Variants in PPP2R2C observed in about 807,000 individuals in gnomAD.
PPP2R2C encodes protein phosphatase 2 regulatory subunit Bgamma, also known as protein phosphatase 2, regulatory subunit B, gamma.
A neutral mutation model predicts 45.3 loss-of-function variants in PPP2R2C; 10 were observed. The ratio of observed to expected loss-of-function variants is 0.22; its 90% CI spans 0.14 to 0.37. The LOEUF (loss-of-function observed/expected upper bound fraction) is 0.37. PPP2R2C is among the 10% of genes least tolerant of loss of function. The pLI is 1.00. For missense variants in PPP2R2C, 308 were observed against 619.7 expected (o/e 0.50, Z 5.34); for synonymous variants, 257 against 245.4 (o/e 1.05, Z -0.44).
intron 6 of PPP2R2C, among the ~76,000 whole-genome samples, chr4:6,342,361 T>C (rs1052479998): frequency 1.3e-5 from 2 of 152,128 alleles, no homozygotes; most frequent in South Asian, 2.1e-4. Context: ...TCCCACATCA[T>C]TCCAGGGTCA....
At position 6,336,650 on chromosome 4, in the gene PPP2R2C, TC is replaced by T. The variant is rs1732892022; in HGVS notation, c.791-2920del. Among the ~76,000 whole-genome samples the T allele has an allele frequency of 2.1e-3, 11 of 5,152 alleles. 1 individual carries two copies. Among genetic ancestry groups the T allele is most frequent in the Non-Finnish European group, 4.0e-3 (11 of 2,722 alleles). The allele number at this position is 5,152 out of a possible 152,430, so 3.4% of individuals were successfully genotyped here. On this transcript the variant is annotated intron_variant, in intron 6 of 8. Coordinates refer to ENST00000382599, the MANE Select transcript of PPP2R2C (RefSeq NM_020416.4). ...TGACTTACTTCCCTCCCTCCCTCCC[TC>T]CCTCCCTCCCTCCCTGCTTCCATCC...
At chr4:6,367,170 T>C (rs1250724770) in intron 5 of PPP2R2C, among the ~76,000 whole-genome samples, 1 of 151,860 alleles carries the variant, frequency 6.6e-6, no homozygotes, top group Non-Finnish European at 1.5e-5. Flanking sequence ...GTCCTCTGAG[T>C]CACCTTTCTC....
chr4:6,323,086 T>G lies in PPP2R2C; in HGVS notation c.*216A>C. The G allele has an allele frequency of 2.0e-6, 1 of 489,890 alleles. No homozygotes were observed. Among genetic ancestry groups the G allele is most frequent in the Non-Finnish European group, 3.5e-6 (1 of 288,550 alleles). 30.3% of individuals were successfully genotyped at this position (489,890 alleles called of 1,614,324 possible). A position where few individuals can be genotyped will look rare whatever the true frequency, so the allele number is the denominator to read the frequency against. On this transcript the variant is annotated 3_prime_UTR_variant, in exon 9 of 9. Coordinates refer to ENST00000382599, the MANE Select transcript of PPP2R2C (RefSeq NM_020416.4). Reference sequence around the variant, plus strand: ...CGGTGAACGCTTCCTTTCCTTTTTATTTTTTTAAACAGACAATTACTGCCA... The same window carrying G: ...CGGTGAACGCTTCCTTTCCTTTTTAGTTTTTTAAACAGACAATTACTGCCA...
chr4:6,422,254 G>A lies in PPP2R2C; in HGVS notation c.71-41160C>T, dbSNP rs150732190. 1.6e-3 allele frequency among the ~76,000 whole-genome samples: 245 copies of A among 152,268 alleles called. 2 individuals carry two copies. The highest frequency in any genetic ancestry group is 4.7e-3 in the African/African-American group (195 of 41,570). On this transcript the variant is annotated intron_variant, in intron 1 of 8. Transcript: ENST00000382599. Reference sequence around the variant, plus strand: ...GAGACAAGTGCCTCTGGGCTTAGCCGCCACTTGCGTGAGACCAAGGCAGAC... The same window carrying A: ...GAGACAAGTGCCTCTGGGCTTAGCCACCACTTGCGTGAGACCAAGGCAGAC...
At chr4:6,383,809 A>C in intron 1 of PPP2R2C, 2 of 998,210 alleles carry the variant, frequency 2.0e-6, no homozygotes, top group South Asian at 8.5e-5. Context: ...GCCTGTATGC[A>C]GTAGCCAGGC....
At chr4:6,513,852 C>T (rs531536978) in intron 2 of PPP2R2C, among the ~76,000 whole-genome samples, 51 of 152,220 alleles carry the variant, frequency 3.4e-4, no homozygotes, top group Non-Finnish European at 5.7e-4. Flanking sequence ...CAGTGGGGAG[C>T]ACCCACTCTG....
At chr4:6,335,090 T>C (rs890310699) in intron 6 of PPP2R2C, among the ~76,000 whole-genome samples, 7 of 152,222 alleles carry the variant, frequency 4.6e-5, no homozygotes, top group African/African-American at 1.7e-4. Flanking sequence ...TTCATTCATT[T>C]ATTCACTCAG....
chr4:6,341,001 A>C (rs1733399819), intron 6 of PPP2R2C, among the ~76,000 whole-genome samples: 1 of 152,292 alleles, frequency 6.6e-6, no homozygotes, highest in East Asian at 1.9e-4. Context: ...CAGCAGATCC[A>C]TTACTAGAGT....
chr4:6,561,179 G>A (rs1190438434), intron 1 of PPP2R2C, among the ~76,000 whole-genome samples: 3 of 152,316 alleles, frequency 2.0e-5, no homozygotes, highest in East Asian at 3.9e-4. Context: ...TTGGGGCATC[G>A]ACCTGTGGAC....
intron 6 of PPP2R2C, among the ~76,000 whole-genome samples, chr4:6,341,371 A>C (rs1455953608): frequency 6.6e-6 from 1 of 150,548 alleles, no homozygotes; most frequent in Non-Finnish European, 1.5e-5. Flanking sequence ...CAGCTCACCC[A>C]CAATTCCTGT....
At chr4:6,475,918 G>T (rs4689461), upstream of PPP2R2C, among the ~76,000 whole-genome samples, 1 of 152,138 alleles carries the variant, frequency 6.6e-6, no homozygotes, top group African/African-American at 2.4e-5. Flanking sequence ...TGAGGGTGGG[G>T]TCTTCATGGA....
chr4:6,381,229 C>A (rs1438552076), intron 1 of PPP2R2C, 135 bp from the exon 2 acceptor site: 9 of 1,538,604 alleles, frequency 5.8e-6, no homozygotes, highest in Non-Finnish European at 7.0e-6. Context: ...CAGCAGGGAG[C>A]CTGAGGGGTC....
intron 1 of PPP2R2C, among the ~76,000 whole-genome samples, chr4:6,393,516 C>T (rs532739937): frequency 1.3e-5 from 2 of 152,318 alleles, no homozygotes; most frequent in South Asian, 4.1e-4. Flanking sequence ...AAACCCAGTC[C>T]CCAGAAGAGA....
intron 1 of PPP2R2C, among the ~76,000 whole-genome samples, chr4:6,562,469 G>A (rs1206001070): frequency 4.3e-5 from 1 of 23,170 alleles, no homozygotes. Context: ...CAACGGAGTC[G>A]GGGGGGGGGG....
intron 6 of PPP2R2C, among the ~76,000 whole-genome samples, chr4:6,335,258 G>T (rs1464456406): frequency 2.0e-5 from 3 of 152,340 alleles, no homozygotes; most frequent in East Asian, 3.9e-4. Context: ...AAGTGCTGGG[G>T]AGGAAGAGCC....
At chr4:6,504,424 T>C (rs1723155423) in intron 2 of PPP2R2C, among the ~76,000 whole-genome samples, 1 of 151,758 alleles carries the variant, frequency 6.6e-6, no homozygotes, top group South Asian at 2.1e-4. Context: ...CAAATCAAAA[T>C]TAATTGATGT....
chr4:6,561,809 T>C (rs1400178601), intron 1 of PPP2R2C, among the ~76,000 whole-genome samples: 1 of 152,212 alleles, frequency 6.6e-6, no homozygotes, highest in African/African-American at 2.4e-5. Context: ...AAGCAGGCTC[T>C]AGGGAGTCCT....
chr4:6,412,495 G>C (rs9992005), intron 1 of PPP2R2C, among the ~76,000 whole-genome samples: 39,668 of 151,978 alleles, frequency 0.26, 5,521 homozygotes, highest in Admixed American at 0.38. Context: ...CCAGCTGTGT[G>C]CTTGAATAAA....
rs1451644913 is a variant in PPP2R2C, at chr4:6,320,712, C to G, written c.*2590G>C. ...GCACCTATGAGTTACAGAGTCCAAA[C>G]TGATCAGGGCTGACAACTTGACCAC... On this transcript the variant is annotated 3_prime_UTR_variant, in exon 9 of 9. Transcript: ENST00000382599. 1 of 152,500 alleles carries G rather than the reference C, an allele frequency of 6.6e-6. No individual in the cohort carries two copies. Among genetic ancestry groups the G allele is most frequent in the Non-Finnish European group, 1.5e-5 (1 of 68,050 alleles). The allele number at this position is 152,500 out of a possible 1,614,324, so 9.4% of individuals were successfully genotyped here. A position where few individuals can be genotyped will look rare whatever the true frequency, so the allele number is the denominator to read the frequency against.
Sources: allele counts gnomAD v4.1 joint callset (sites outside exome capture counted in the v4.1 genomes callset), GRCh38; gene constraint gnomAD v4.1.1; transcripts MANE v1.5; gene names NCBI Gene and HGNC (gene_info 2026-07-23, HGNC 2026-07-21).